ARHGEF3: variants seen among roughly 807,000 people sequenced by gnomAD.
ARHGEF3 encodes 59.8 kDA protein.
Under a neutral mutation model 63.2 loss-of-function variants are expected in ARHGEF3, and 28 were observed. The ratio of observed to expected loss-of-function variants is 0.44; its 90% CI spans 0.33 to 0.61. The LOEUF is 0.61. Ranked by LOEUF, ARHGEF3 falls within the 20% of genes least tolerant of loss-of-function variation. The probability of loss-of-function intolerance (pLI) is 0.03; values close to 1 mark genes in which losing one functional copy is unlikely to be tolerated. For missense variants in ARHGEF3, 533 were observed against 659.3 expected (o/e 0.81, Z 2.10); for synonymous variants, 266 against 254.2 (o/e 1.05, Z -0.44).
At chr3:57,077,700 A>G (rs2107435139) in intron 1 of ARHGEF3, among the ~76,000 whole-genome samples, 1 of 152,258 alleles carries the variant, frequency 6.6e-6, no homozygotes, top group African/African-American at 2.4e-5. Flanking sequence ...CAAGGCTTAA[A>G]AGAATCAAGT....
chr3:56,889,977 G>A (rs1186096236), intron 3 of ARHGEF3, among the ~76,000 whole-genome samples: 3 of 151,672 alleles, frequency 2.0e-5, no homozygotes, highest in Non-Finnish European at 4.4e-5. Flanking sequence ...CAGGAGAATC[G>A]CTGGAACCCA....
intron 2 of ARHGEF3, among the ~76,000 whole-genome samples, chr3:57,014,360 T>C (rs551818783): frequency 6.6e-6 from 1 of 152,254 alleles, no homozygotes; most frequent in Admixed American, 6.5e-5. Flanking sequence ...CCTTAACCAC[T>C]ACAGCACCTT....
chr3:57,054,321 C>A (rs1237136615), intron 1 of ARHGEF3, among the ~76,000 whole-genome samples: 1 of 152,002 alleles, frequency 6.6e-6, no homozygotes, highest in Admixed American at 6.6e-5. Context: ...TTGCTCAAGT[C>A]TTTTATCCTT....
At chr3:56,760,751 G>A (rs1185340529) in intron 2 of ARHGEF3, among the ~76,000 whole-genome samples, 1 of 152,176 alleles carries the variant, frequency 6.6e-6, no homozygotes, top group Non-Finnish European at 1.5e-5. Flanking sequence ...GCATTTTGGG[G>A]AAGTTTCAAT....
intron 4 of ARHGEF3, among the ~76,000 whole-genome samples, chr3:56,815,311 C>G (rs2038229088): frequency 6.6e-6 from 1 of 152,142 alleles, no homozygotes; most frequent in African/African-American, 2.4e-5. Flanking sequence ...TTCTATTAAA[C>G]AGCAAAGACT....
chr3:56,927,210 T>G (rs967947978), intron 3 of ARHGEF3, among the ~76,000 whole-genome samples: 1 of 152,222 alleles, frequency 6.6e-6, no homozygotes, highest in African/African-American at 2.4e-5. Flanking sequence ...AAAAAGTTCT[T>G]GTGAGAATCA....
intron 1 of ARHGEF3, among the ~76,000 whole-genome samples, chr3:57,071,614 C>T (rs1705910017): frequency 1.3e-5 from 2 of 148,624 alleles, no homozygotes; most frequent in South Asian, 4.2e-4. Context: ...GAGCCGAGAT[C>T]ATGCCACTAT....
chr3:56,769,892 C>G (rs958679678), intron 2 of ARHGEF3, among the ~76,000 whole-genome samples: 11 of 152,164 alleles, frequency 7.2e-5, no homozygotes, highest in African/African-American at 2.7e-4. Context: ...CAATTACAGC[C>G]TTGAGTCATT....
At chr3:56,827,144 T>C (rs2038747910) in intron 4 of ARHGEF3, among the ~76,000 whole-genome samples, 2 of 152,174 alleles carry the variant, frequency 1.3e-5, no homozygotes, top group Non-Finnish European at 1.5e-5. Context: ...TTAAACACTT[T>C]TACATGGCAA....
At chr3:56,953,037 C>T (rs1194595074) in intron 3 of ARHGEF3, among the ~76,000 whole-genome samples, 1 of 152,148 alleles carries the variant, frequency 6.6e-6, no homozygotes, top group Non-Finnish European at 1.5e-5. Flanking sequence ...GGCTCTGTTT[C>T]CCCATCTTTG....
chr3:57,010,271 G>A (rs773737303), intron 2 of ARHGEF3, among the ~76,000 whole-genome samples: 133 of 152,194 alleles, frequency 8.7e-4, no homozygotes, highest in Non-Finnish European at 1.4e-3. Flanking sequence ...TGGCTAACAT[G>A]GTGAAACCCC....
intron 3 of ARHGEF3, among the ~76,000 whole-genome samples, chr3:56,944,780 T>C (rs1294570855): frequency 6.6e-6 from 1 of 151,974 alleles, no homozygotes; most frequent in Non-Finnish European, 1.5e-5. Flanking sequence ...GGTTTCACCA[T>C]GCTGGCCAGG....
chr3:56,953,782 C>A (rs1363034113), intron 3 of ARHGEF3, among the ~76,000 whole-genome samples: 1 of 152,168 alleles, frequency 6.6e-6, no homozygotes, highest in African/African-American at 2.4e-5. Flanking sequence ...TATGGTCACC[C>A]TGTTCCTTCA....
chr3:56,743,320 C>T (rs2034167284), intron 7 of ARHGEF3, among the ~76,000 whole-genome samples: 2 of 152,268 alleles, frequency 1.3e-5, no homozygotes, highest in Admixed American at 6.5e-5. Flanking sequence ...GGCTGGTGAC[C>T]AGACAGCTCT....
intron 3 of ARHGEF3, among the ~76,000 whole-genome samples, chr3:56,956,025 G>A (rs1201035022): frequency 6.6e-6 from 1 of 152,196 alleles, no homozygotes; most frequent in Non-Finnish European, 1.5e-5. Flanking sequence ...AAGCCTCAGG[G>A]CCCAGAAGAA....
chr3:56,846,132 C>T (rs948683277), intron 4 of ARHGEF3, among the ~76,000 whole-genome samples: 2 of 152,158 alleles, frequency 1.3e-5, no homozygotes, highest in Admixed American at 6.6e-5. Flanking sequence ...TAATGTTTAA[C>T]ATGTAATCTC....
chr3:56,929,647 T>C (rs2042360237), intron 3 of ARHGEF3, among the ~76,000 whole-genome samples: 1 of 152,188 alleles, frequency 6.6e-6, no homozygotes, highest in Admixed American at 6.5e-5. Flanking sequence ...CTCCCCAAAA[T>C]GTATTTCCTA....
intron 1 of ARHGEF3, chr3:57,073,947 T>C (rs1467994402): frequency 6.2e-7 from 1 of 1,614,080 alleles, no homozygotes; most frequent in African/African-American, 1.3e-5. Context: ...CTGTCAGAGA[T>C]ATTTACAAGC....
chr3:56,829,127 T>C (rs1305759690), intron 4 of ARHGEF3, among the ~76,000 whole-genome samples: 1 of 152,144 alleles, frequency 6.6e-6, no homozygotes, highest in African/African-American at 2.4e-5. Flanking sequence ...GGTTCCATCA[T>C]GTTGGCCAGG....
Sources: gnomAD v4.1 joint callset for allele counts (sites outside exome capture counted in the v4.1 genomes callset) on GRCh38, gnomAD v4.1.1 for gene constraint, MANE v1.5 for transcripts, NCBI Gene and HGNC (gene_info 2026-07-23, HGNC 2026-07-21) for gene names.